Variants in RNF180 observed in about 807,000 individuals in gnomAD.
RNF180 encodes the protein E3 ubiquitin-protein ligase RNF180.
Under a neutral mutation model 59.2 loss-of-function variants are expected in RNF180, and 38 were observed. The ratio of observed to expected loss-of-function variants is 0.64; its 90% CI spans 0.50 to 0.84. RNF180 has a LOEUF of 0.84. Ranked by LOEUF, RNF180 falls within the 40% of genes least tolerant of loss-of-function variation. The pLI, the probability that RNF180 is intolerant of heterozygous loss-of-function variation, is 0.00. For synonymous variants in RNF180, 262 were observed against 240.3 expected (o/e 1.09, Z -0.84); for missense variants, 705 against 700.9 (o/e 1.01, Z -0.07).
At chr5:64,340,030 A>G (rs979664787) in intron 7 of RNF180, among the ~76,000 whole-genome samples, 1 of 152,212 alleles carries the variant, frequency 6.6e-6, no homozygotes, top group South Asian at 2.1e-4. Flanking sequence ...TGAAATACCT[A>G]CCATTTTCAG....
At chr5:64,278,748 CTG>C (rs1741853427) in intron 5 of RNF180, among the ~76,000 whole-genome samples, 1 of 152,062 alleles carries the variant, frequency 6.6e-6, no homozygotes, top group African/African-American at 2.4e-5. Context: ...CTGCCTTTGC[CTG>C]TGTGGCAAAT....
intron 5 of RNF180, among the ~76,000 whole-genome samples, chr5:64,264,868 T>A (rs568230822): frequency 6.6e-6 from 1 of 152,214 alleles, no homozygotes; most frequent in African/African-American, 2.4e-5. Context: ...GCATTCCTAC[T>A]TCACATCCTC....
chr5:64,259,717 G>A (rs1744204145), intron 5 of RNF180, among the ~76,000 whole-genome samples: 1 of 152,164 alleles, frequency 6.6e-6, no homozygotes, highest in Admixed American at 6.5e-5. Context: ...GAGGTCAGGA[G>A]TTCGAAACCA....
chr5:64,345,053 TCATC>T (rs1209367809), intron 7 of RNF180, among the ~76,000 whole-genome samples: 1 of 152,052 alleles, frequency 6.6e-6, no homozygotes, highest in East Asian at 1.9e-4. Context: ...AGTGATCCAT[TCATC>T]AGAATCTAAA....
chr5:64,177,513 G>T (rs1288541178), intron 1 of RNF180, among the ~76,000 whole-genome samples: 2 of 104,568 alleles, frequency 1.9e-5, no homozygotes, highest in East Asian at 3.8e-4. Context: ...TTTTTCAAAG[G>T]CATAAATTAT....
chr5:64,359,841 G>T (rs1746179268), intron 7 of RNF180, among the ~76,000 whole-genome samples: 1 of 152,000 alleles, frequency 6.6e-6, no homozygotes, highest in South Asian at 2.1e-4. Context: ...TCCAGTTTCA[G>T]CTTTCTACAT....
chr5:64,221,170 G>A (rs1741306228), intron 5 of RNF180, among the ~76,000 whole-genome samples: 1 of 151,866 alleles, frequency 6.6e-6, no homozygotes, highest in Admixed American at 6.6e-5. Context: ...ATTTGATTAT[G>A]CAGTAGAATT....
At chr5:64,223,861 G>C (rs61294320) in intron 5 of RNF180, among the ~76,000 whole-genome samples, 8 of 152,092 alleles carry the variant, frequency 5.3e-5, no homozygotes, top group East Asian at 1.9e-4. Context: ...GGAAGTAGAG[G>C]GGGGGAGACA....
intron 7 of RNF180, among the ~76,000 whole-genome samples, chr5:64,344,873 C>A (rs1054372401): frequency 6.6e-6 from 1 of 151,890 alleles, no homozygotes; most frequent in Non-Finnish European, 1.5e-5. Flanking sequence ...GACTTCCAGT[C>A]TGTAGGCTTA....
intron 5 of RNF180, among the ~76,000 whole-genome samples, chr5:64,256,001 T>C (rs1460307176): frequency 6.6e-6 from 1 of 152,222 alleles, no homozygotes; most frequent in Admixed American, 6.5e-5. Context: ...ATGTCTTCTT[T>C]TGAGAAGTGT....
chr5:64,293,882 G>A (rs1479537164), intron 5 of RNF180, among the ~76,000 whole-genome samples: 1 of 152,116 alleles, frequency 6.6e-6, no homozygotes, highest in Non-Finnish European at 1.5e-5. Context: ...GAAAGTTAAA[G>A]TAGAATATTG....
intron 5 of RNF180, among the ~76,000 whole-genome samples, chr5:64,249,679 TA>T (rs1743436587): frequency 6.6e-6 from 1 of 152,160 alleles, no homozygotes; most frequent in Non-Finnish European, 1.5e-5. Flanking sequence ...TAGCTATACT[TA>T]TATCAGATAA....
chr5:64,186,808 A>C (rs1750895591), intron 1 of RNF180, among the ~76,000 whole-genome samples: 1 of 152,150 alleles, frequency 6.6e-6, no homozygotes, highest in African/African-American at 2.4e-5. Flanking sequence ...TCATATGATG[A>C]TTTCTGAGAG....
At chr5:64,263,735 G>A (rs1173488090) in intron 5 of RNF180, among the ~76,000 whole-genome samples, 1 of 151,858 alleles carries the variant, frequency 6.6e-6, no homozygotes, top group East Asian at 1.9e-4. Flanking sequence ...ATGAAGTCTT[G>A]TGAACCCACT....
At chr5:64,166,725 C>T (rs1401702093) in intron 1 of RNF180, among the ~76,000 whole-genome samples, 2 of 152,072 alleles carry the variant, frequency 1.3e-5, no homozygotes, top group African/African-American at 4.8e-5. Flanking sequence ...TTACTATTAT[C>T]CCATTTTATA....
At chr5:64,323,457 C>T (rs1303346557) in intron 5 of RNF180, among the ~76,000 whole-genome samples, 3 of 152,136 alleles carry the variant, frequency 2.0e-5, no homozygotes, top group East Asian at 3.8e-4. Context: ...AGGACAATCA[C>T]TTGAACCCAG....
At chr5:64,365,984 T>C (rs1253049656) in intron 7 of RNF180, among the ~76,000 whole-genome samples, 1 of 151,254 alleles carries the variant, frequency 6.6e-6, no homozygotes. Context: ...TCAAGGTTAA[T>C]ATTGATATAT....
intron 5 of RNF180, among the ~76,000 whole-genome samples, chr5:64,267,458 C>T (rs976181217): frequency 2.6e-5 from 4 of 151,892 alleles, no homozygotes; most frequent in Non-Finnish European, 4.4e-5. Flanking sequence ...CCCACTAATT[C>T]GTCATCTAGC....
intron 6 of RNF180, 140 bp downstream of exon 6, chr5:64,325,551 C>T: frequency 1.5e-6 from 1 of 659,584 alleles, no homozygotes; most frequent in Non-Finnish European, 2.6e-6. Context: ...CAGTACTTAC[C>T]CAACTCATAA....
Sources: allele counts gnomAD v4.1 joint callset (sites outside exome capture counted in the v4.1 genomes callset), GRCh38; gene constraint gnomAD v4.1.1; transcripts MANE v1.5; gene names NCBI Gene and HGNC (gene_info 2026-07-23, HGNC 2026-07-21).